Variants in PCDHGA2 observed in about 807,000 individuals in gnomAD.
PCDHGA2 encodes the protein protocadherin gamma subfamily A, 2, also known as protocadherin gamma-A2.
Under a neutral mutation model 59.2 loss-of-function variants are expected in PCDHGA2, and 40 were observed. That is an observed-to-expected ratio of 0.68 (90% CI 0.52 to 0.88). The LOEUF (loss-of-function observed/expected upper bound fraction) is 0.88, where lower values mean the gene tolerates loss of function less well. PCDHGA2 is among the 40% of genes least tolerant of loss of function. The probability of loss-of-function intolerance (pLI) is 0.00; values close to 1 mark genes in which losing one functional copy is unlikely to be tolerated. For missense variants in PCDHGA2, 1,226 were observed against 1,204.0 expected (o/e 1.02, Z -0.27); for synonymous variants, 560 against 526.0 (o/e 1.06, Z -0.89).
chr5:141,355,482 G>T (rs777055762), intron 1 of PCDHGA2: 2 of 1,614,076 alleles, frequency 1.2e-6, no homozygotes, highest in South Asian at 2.2e-5. Context: ...ACAGGGAGGA[G>T]CTCTGCGACA....
chr5:141,371,872 C>T (rs1206900205), intron 1 of PCDHGA2: 3 of 1,613,534 alleles, frequency 1.9e-6, no homozygotes, highest in East Asian at 2.2e-5. Flanking sequence ...TACATCGTGG[C>T]CAGTGACCTG....
chr5:141,484,864 A>G, intron 1 of PCDHGA2: 1 of 263,722 alleles, frequency 3.8e-6, no homozygotes, highest in Non-Finnish European at 7.2e-6. Context: ...GGGGTGGGGG[A>G]GCGTGGAGGA....
intron 1 of PCDHGA2, chr5:141,391,234 G>C (rs2092322160): frequency 6.6e-6 from 1 of 151,932 alleles, no homozygotes; most frequent in African/African-American, 2.4e-5. Context: ...CCTTTTGCTA[G>C]GTATATCTAA....
chr5:141,388,923 T>C (rs374663443), intron 1 of PCDHGA2: 7 of 1,614,002 alleles, frequency 4.3e-6, no homozygotes, highest in East Asian at 2.2e-5. Context: ...AGAAGTGATA[T>C]TCCAGTCTCT....
intron 1 of PCDHGA2, among the ~76,000 whole-genome samples, chr5:141,492,782 C>T (rs2099743868): frequency 6.6e-6 from 1 of 152,258 alleles, no homozygotes; most frequent in Non-Finnish European, 1.5e-5. Context: ...GAGTGAGCCT[C>T]TATAGGACAG....
chr5:141,409,273 G>A, intron 1 of PCDHGA2: 1 of 1,613,958 alleles, frequency 6.2e-7, no homozygotes, highest in South Asian at 1.1e-5. Context: ...ATCAGATTTT[G>A]GAGAATTCAC....
chr5:141,357,462 C>T (rs760328261), intron 1 of PCDHGA2: 7 of 1,614,072 alleles, frequency 4.3e-6, no homozygotes, highest in Middle Eastern at 1.7e-4. Flanking sequence ...AGACCTATTC[C>T]CACGAGGTCT....
Position 141,340,574 on chromosome 5 carries a change from C to G in PCDHGA2, c.1603C>G (p.Arg535Gly). Reference protein sequence around the residue: ...LRDLQVWVIARDSGNPPLSSN... With the variant: ...LRDLQVWVIAGDSGNPPLSSN... ...AGACTTGCAAGTGTGGGTGATAGCG[C>G]GGGACAGCGGGAACCCTCCACTCAG... Residue 535 changes from arginine to glycine, a missense_variant, in exon 1 of 4, where the codon CGG (arginine) becomes GGG (glycine). Transcript: ENST00000394576. 6.2e-7 allele frequency: 1 copy of G among 1,614,204 alleles called. No individual in the cohort carries two copies. Among genetic ancestry groups the G allele is most frequent in the Non-Finnish European group, 8.5e-7 (1 of 1,180,042 alleles).
intron 1 of PCDHGA2, chr5:141,395,179 A>C: frequency 6.2e-7 from 1 of 1,614,164 alleles, no homozygotes; most frequent in South Asian, 1.1e-5. Flanking sequence ...GAGAAAAATG[A>C]TTCTTTGTTA....
intron 1 of PCDHGA2, chr5:141,356,720 T>A (rs200566433): frequency 2.0e-5 from 32 of 1,613,888 alleles, no homozygotes; most frequent in Non-Finnish European, 3.4e-6. Context: ...TATGTCTCCA[T>A]CAACTCCAAT....
chr5:141,397,372 G>C (rs1014875277), intron 1 of PCDHGA2, among the ~76,000 whole-genome samples: 1 of 152,012 alleles, frequency 6.6e-6, no homozygotes, highest in Non-Finnish European at 1.5e-5. Context: ...AGATGTTTGG[G>C]GATTGGTATA....
intron 1 of PCDHGA2, among the ~76,000 whole-genome samples, chr5:141,466,863 C>A (rs1409042461): frequency 1.3e-5 from 2 of 152,070 alleles, no homozygotes; most frequent in African/African-American, 4.8e-5. Context: ...ATTTTGAAAT[C>A]CACACATTTT....
chr5:141,436,931 G>A (rs1026520169), intron 1 of PCDHGA2, among the ~76,000 whole-genome samples: 1 of 152,114 alleles, frequency 6.6e-6, no homozygotes, highest in Non-Finnish European at 1.5e-5. Context: ...CTTTTTCTTT[G>A]TCTGAACCAT....
Position 141,476,708 on chromosome 5 carries a change from T to C in PCDHGA2, c.2425-18099T>C, listed in dbSNP as rs1205987380. The C allele has an allele frequency of 1.2e-6, 2 of 1,614,150 alleles. No homozygotes were observed. The highest frequency in any genetic ancestry group is 8.5e-7 in the Non-Finnish European group (1 of 1,180,024). ...CAGCACCAAGTACGCGGAGCTGGTG[T>C]TGGAGCGCGCCCTGGACCGAGAACG... On this transcript the variant is annotated intron_variant, in intron 1 of 3. Coordinates refer to ENST00000394576, the MANE Select transcript of PCDHGA2 (RefSeq NM_018915.4). The surrounding 1 kb of genome is among the most constrained non-coding windows in gnomAD (Gnocchi z 7.6).
At chr5:141,427,944 A>C (rs780874108) in intron 1 of PCDHGA2, 63 of 1,586,294 alleles carry the variant, frequency 4.0e-5, no homozygotes, top group Non-Finnish European at 8.6e-6. Context: ...GGGCGACCTC[A>C]ATGACAATGT....
At chr5:141,378,382 G>C (rs1774857490) in intron 1 of PCDHGA2, 1 of 152,274 alleles carries the variant, frequency 6.6e-6, no homozygotes, top group South Asian at 2.1e-4. Context: ...AATTAGCCAG[G>C]TGGGGTGGCA....
In PCDHGA2 at chr5:141,486,748, T is replaced by C; in HGVS notation, c.2425-8059T>C. ...TTCATGCTACTCGATCCTTTGACTA[T>C]GAGCAAACCCAGACACTGCAGTTTG... is the stretch of plus-strand genomic sequence containing the variant. On this transcript the variant is annotated intron_variant, in intron 1 of 3. Coordinates refer to ENST00000394576, the MANE Select transcript of PCDHGA2 (RefSeq NM_018915.4). The surrounding 1 kb of genome is among the most constrained non-coding windows in gnomAD (Gnocchi z 5.0). 6.2e-7 allele frequency: 1 copy of C among 1,614,230 alleles called. No individual in the cohort carries two copies. The highest frequency in any genetic ancestry group is 8.5e-7 in the Non-Finnish European group (1 of 1,180,042).
intron 1 of PCDHGA2, chr5:141,374,097 A>G (rs1277096139): frequency 3.2e-6 from 5 of 1,560,098 alleles, no homozygotes; most frequent in Non-Finnish European, 4.3e-6. Flanking sequence ...GCGCCTCCGC[A>G]GAGGCATCCG....
chr5:141,393,893 T>C (rs761049644), intron 1 of PCDHGA2: 7 of 1,614,034 alleles, frequency 4.3e-6, no homozygotes, highest in Non-Finnish European at 5.1e-6. Flanking sequence ...TAGAAAATTC[T>C]CTTCCCGGGA....
Sources: gnomAD v4.1 joint callset for allele counts (sites outside exome capture counted in the v4.1 genomes callset) on GRCh38, gnomAD v4.1.1 for gene constraint, Gnocchi (gnomAD v3.1) non-coding constraint, MANE v1.5 for transcripts, NCBI Gene and HGNC (gene_info 2026-07-23, HGNC 2026-07-21) for gene names.